VANGL1: variants seen among roughly 807,000 people sequenced by gnomAD.
The protein encoded by VANGL1 is vang-like protein 1.
VANGL1 carries 18 observed loss-of-function variants against 48.4 expected under a neutral mutation model. The observed-to-expected ratio is 0.37, with a 90% confidence interval of 0.26 to 0.55. The LOEUF is 0.55. Among genes scored for constraint, VANGL1 ranks in the 20% least tolerant of loss-of-function variants. VANGL1 has a pLI of 0.81. For missense variants in VANGL1, 667 were observed against 675.8 expected (o/e 0.99, Z 0.14); for synonymous variants, 257 against 261.8 (o/e 0.98, Z 0.18).
rs1653868233 is a variant in VANGL1 at position 115,692,253 on chromosome 1, CAGG to C, written c.*877_*879del. On this transcript the variant is annotated 3_prime_UTR_variant, in exon 8 of 8. Coordinates refer to ENST00000355485, the MANE Select transcript of VANGL1 (RefSeq NM_138959.3). ...TGGGAATGCCACCTTTAGGCTGCAG[CAGG>C]AGCCCCACACTGCCCAGTTTTCCTC... 6.5e-6 allele frequency: 1 copy of C among 152,858 alleles called. No individual in the cohort carries two copies. Among genetic ancestry groups the C allele is most frequent in the African/African-American group, 2.4e-5 (1 of 41,588 alleles). 9.5% of individuals were successfully genotyped at this position (152,858 alleles called of 1,614,324 possible). A position where few individuals can be genotyped will look rare whatever the true frequency, so the allele number is the denominator to read the frequency against.
At chr1:115,646,712 G>T (rs1651954893) in intron 1 of VANGL1, among the ~76,000 whole-genome samples, 1 of 152,076 alleles carries the variant, frequency 6.6e-6, no homozygotes, top group South Asian at 2.1e-4. Flanking sequence ...GGAAAGACAG[G>T]CAGTCATGAA....
intron 4 of VANGL1, among the ~76,000 whole-genome samples, chr1:115,669,271 G>A (rs1161265023): frequency 6.6e-6 from 1 of 152,160 alleles, no homozygotes; most frequent in Admixed American, 6.5e-5. Flanking sequence ...CATTCTATAG[G>A]ATATTTATAT....
chr1:115,683,864 A>C, intron 5 of VANGL1, 80 bp from the exon 6 acceptor site: 1 of 1,570,372 alleles, frequency 6.4e-7, no homozygotes, highest in Non-Finnish European at 8.7e-7. Flanking sequence ...GACAACACTG[A>C]CAGATTGGGT....
At position 115,663,798 on chromosome 1, in the gene VANGL1, C is replaced by G. The variant is rs141525464; in HGVS notation, c.342C>G (p.Thr114=). The G allele has an allele frequency of 1.2e-6, 2 of 1,614,182 alleles. No individual in the cohort carries two copies. The highest frequency in any genetic ancestry group is 3.3e-5 in the Admixed American group (2 of 60,028). Residue 114 remains threonine, a synonymous_variant, in exon 4 of 8, where the codon ACC becomes ACG. Transcript: ENST00000355485. ...ATTGCAAACGCTACCTGGGCCTCAC[C>G]GTCGCCTCTTTTCTTGGACTTCTAG... ...GLDCKRYLGL[T]VASFLGLLVF... is the part of the protein sequence containing the mutation.
intron 2 of VANGL1, among the ~76,000 whole-genome samples, chr1:115,658,008 A>G (rs1256942069): frequency 6.6e-6 from 1 of 152,228 alleles, no homozygotes; most frequent in Admixed American, 6.5e-5. Flanking sequence ...GTCTGTCCCC[A>G]TGATCCAGAC....
intron 4 of VANGL1, among the ~76,000 whole-genome samples, chr1:115,667,259 C>T (rs1377399902): frequency 6.6e-6 from 1 of 152,194 alleles, no homozygotes; most frequent in South Asian, 2.1e-4. Flanking sequence ...AGAATGTCTA[C>T]TCTTTAGTTT....
At chr1:115,679,521 G>A (rs926044908) in intron 4 of VANGL1, among the ~76,000 whole-genome samples, 1 of 152,194 alleles carries the variant, frequency 6.6e-6, no homozygotes, top group Non-Finnish European at 1.5e-5. Flanking sequence ...AAGGCGGTGG[G>A]CCGGGAGCCC....
At chr1:115,685,655 T>C in intron 7 of VANGL1, 128 bp downstream of exon 7, 1 of 973,358 alleles carries the variant, frequency 1.0e-6, no homozygotes, top group Non-Finnish European at 1.6e-6. Flanking sequence ...GTAATAAGAA[T>C]TAGTGATTCT....
At chr1:115,654,811 A>C (rs1652282928) in intron 2 of VANGL1, among the ~76,000 whole-genome samples, 1 of 152,136 alleles carries the variant, frequency 6.6e-6, no homozygotes, top group African/African-American at 2.4e-5. Flanking sequence ...CCTCCCTCAT[A>C]GCCATTGTCT....
chr1:115,652,846 AG>A (rs1652205221), intron 2 of VANGL1, among the ~76,000 whole-genome samples: 1 of 152,214 alleles, frequency 6.6e-6, no homozygotes, highest in African/African-American at 2.4e-5. Flanking sequence ...GGTCATCCAT[AG>A]GGGGAGGCTC....
chr1:115,664,463 G>A (rs56084392), intron 4 of VANGL1, among the ~76,000 whole-genome samples, 195 bp downstream of exon 4: 3,217 of 152,224 alleles, frequency 0.021, 111 homozygotes, highest in African/African-American at 0.07. Flanking sequence ...TAGATGGTGC[G>A]GGGCAGTTGC....
At chr1:115,642,316 G>A (rs1331800452) in intron 1 of VANGL1, among the ~76,000 whole-genome samples, 2 of 151,932 alleles carry the variant, frequency 1.3e-5, no homozygotes, top group Non-Finnish European at 2.9e-5. Context: ...CTCCCCATGC[G>A]TTGCGCCCCT....
chr1:115,663,322 C>T (rs549762170), intron 3 of VANGL1, among the ~76,000 whole-genome samples: 6 of 152,256 alleles, frequency 3.9e-5, no homozygotes, highest in African/African-American at 1.4e-4. Flanking sequence ...ACCTGGGTTG[C>T]GCATTGCAGG....
rs1653912727 is a variant in VANGL1, at chr1:115,693,253, A to G, written c.*1874A>G. ...CTTCAAACTGGAAGTTCCTTACAAT[A>G]TCTTTCTCAGGAAATATTTTGGGAA... On this transcript the variant is annotated 3_prime_UTR_variant, in exon 8 of 8. Coordinates refer to ENST00000355485, the MANE Select transcript of VANGL1 (RefSeq NM_138959.3). The G allele has an allele frequency of 1.3e-5, 2 of 152,620 alleles. No homozygotes were observed. The highest frequency in any genetic ancestry group is 1.3e-4 in the Admixed American group (2 of 15,280). The allele number at this position is 152,620 out of a possible 1,614,324, so 9.5% of individuals were successfully genotyped here. A position where few individuals can be genotyped will look rare whatever the true frequency, so the allele number is the denominator to read the frequency against.
intron 2 of VANGL1, among the ~76,000 whole-genome samples, chr1:115,654,981 G>A (rs1366381499): frequency 6.6e-6 from 1 of 152,196 alleles, no homozygotes; most frequent in African/African-American, 2.4e-5. Context: ...GAAGAGAAAT[G>A]CTACTTTAGG....
intron 3 of VANGL1, among the ~76,000 whole-genome samples, chr1:115,662,758 A>G (rs1652609628): frequency 6.6e-6 from 1 of 152,036 alleles, no homozygotes; most frequent in South Asian, 2.1e-4. Context: ...GATGCTTGTT[A>G]AGTGGATCTT....
At chr1:115,654,498 T>TAAAAAAAAA (rs869142756) in intron 2 of VANGL1, among the ~76,000 whole-genome samples, 9 of 90,806 alleles carry the variant, frequency 9.9e-5, no homozygotes, top group African/African-American at 4.2e-4. Flanking sequence ...TTGGTAGGGC[T>TAAAAAAAAA]AAAAAAAAAA....
intron 3 of VANGL1, among the ~76,000 whole-genome samples, chr1:115,663,037 G>A (rs749698393): frequency 1.1e-4 from 16 of 152,068 alleles, no homozygotes; most frequent in South Asian, 2.1e-4. Context: ...CGTCCGCCTC[G>A]GCCTTCCAAA....
In VANGL1 at chr1:115,659,780, A is replaced by T. The variant is rs756977427; in HGVS notation, c.204+7A>T. The T allele has an allele frequency of 5.6e-6, 9 of 1,614,104 alleles. 1 individual carries two copies. In the South Asian group the frequency reaches 8.8e-5, roughly 16 times the overall value. ...TCGGACAGAGGAAGTTCAGGTAAGG[A>T]TCAAAGGTGGTCTGTAAGCACACTG... On this transcript the variant is annotated splice_region_variant and intron_variant, in intron 3 of 7. Transcript: ENST00000355485.
Sources: allele counts gnomAD v4.1 joint callset (sites outside exome capture counted in the v4.1 genomes callset), GRCh38; gene constraint gnomAD v4.1.1; transcripts MANE v1.5; gene names NCBI Gene and HGNC (gene_info 2026-07-23, HGNC 2026-07-21).